Variants in CDYL2 observed in about 807,000 individuals in gnomAD.
CDYL2 encodes chromodomain Y like 2, also known as chromodomain Y-like protein 2.
A neutral mutation model predicts 49.4 loss-of-function variants in CDYL2; 23 were observed. That is an observed-to-expected ratio of 0.47 (90% confidence interval 0.34 to 0.66). The LOEUF (loss-of-function observed/expected upper bound fraction) is 0.66, where lower values mean the gene tolerates loss of function less well. Among genes scored for constraint, CDYL2 ranks in the 30% least tolerant of loss-of-function variants. The pLI is 0.01. For synonymous variants in CDYL2, 360 were observed against 268.8 expected, an observed-to-expected ratio of 1.34 and a Z score of -3.32; for missense variants, 678 against 656.4, an observed-to-expected ratio of 1.03 and a Z score of -0.36.
intron 5 of CDYL2, among the ~76,000 whole-genome samples, chr16:80,609,732 C>T (rs1906510786): frequency 6.6e-6 from 1 of 152,164 alleles, no homozygotes; most frequent in Non-Finnish European, 1.5e-5. Context: ...ACCCCTCAGA[C>T]ACCATACCCT....
intron 2 of CDYL2, among the ~76,000 whole-genome samples, chr16:80,639,116 A>G (rs1907967657): frequency 6.6e-6 from 1 of 152,246 alleles, no homozygotes; most frequent in African/African-American, 2.4e-5. Context: ...ATCATTTTTC[A>G]TTAGGGAACT....
At chr16:80,632,945 A>G in intron 3 of CDYL2, 74 bp downstream of exon 3, 2 of 1,434,378 alleles carry the variant, frequency 1.4e-6, no homozygotes, top group Non-Finnish European at 2.0e-6. Context: ...AAGGAAGGAG[A>G]AAGCCAATAT....
At chr16:80,628,989 C>A (rs945145578) in intron 3 of CDYL2, among the ~76,000 whole-genome samples, 2 of 152,054 alleles carry the variant, frequency 1.3e-5, no homozygotes, top group Non-Finnish European at 2.9e-5. Context: ...AGGCCCGTTC[C>A]AGTCAGAGCA....
At chr16:80,725,521 T>G (rs369621114) in intron 1 of CDYL2, among the ~76,000 whole-genome samples, 1 of 152,202 alleles carries the variant, frequency 6.6e-6, no homozygotes, top group African/African-American at 2.4e-5. Context: ...GAAACATTCA[T>G]TGGATAATTG....
At chr16:80,624,346 G>C (rs140347895) in intron 3 of CDYL2, among the ~76,000 whole-genome samples, 6 of 152,158 alleles carry the variant, frequency 3.9e-5, no homozygotes, top group African/African-American at 9.7e-5. Context: ...CCCATGAGAA[G>C]CTAAAACTCC....
intron 1 of CDYL2, among the ~76,000 whole-genome samples, chr16:80,768,227 C>T (rs372876952): frequency 2.0e-5 from 3 of 152,096 alleles, no homozygotes; most frequent in South Asian, 2.1e-4. Context: ...TGACAATATC[C>T]GAAACTTGGA....
At chr16:80,694,201 G>C (rs1171514149) in intron 1 of CDYL2, among the ~76,000 whole-genome samples, 1 of 152,154 alleles carries the variant, frequency 6.6e-6, no homozygotes, top group Non-Finnish European at 1.5e-5. Flanking sequence ...TTCACAAGAG[G>C]GTTCGTACTC....
chr16:80,696,274 G>A (rs187289486), intron 1 of CDYL2, among the ~76,000 whole-genome samples: 131 of 152,070 alleles, frequency 8.6e-4, no homozygotes, highest in Middle Eastern at 3.4e-3. Context: ...TAATAGCAAT[G>A]AACATCTACA....
intron 1 of CDYL2, among the ~76,000 whole-genome samples, chr16:80,705,536 T>C (rs1275147173): frequency 6.6e-6 from 1 of 152,262 alleles, no homozygotes; most frequent in East Asian, 1.9e-4. Flanking sequence ...GCAGGTCCCC[T>C]GGCAGAATCT....
In CDYL2 at chr16:80,715,333, T is replaced by C. The variant is rs369193533; in HGVS notation, c.25-30204A>G. Among the ~76,000 whole-genome samples, 26 of 152,246 alleles carry C rather than the reference T, an allele frequency of 1.7e-4. No homozygotes were observed. The East Asian group carries it at 4.8e-3, about 28-fold the overall frequency. On this transcript the variant is annotated intron_variant, in intron 1 of 6. Coordinates refer to ENST00000570137, the MANE Select transcript of CDYL2 (RefSeq NM_152342.4). ...ATGATCCCACCATAGTCAACAATGATTGAGGGCTCTGGAAGACCATAACCA... is the reference window on the plus strand; with the variant it reads ...ATGATCCCACCATAGTCAACAATGACTGAGGGCTCTGGAAGACCATAACCA...
intron 2 of CDYL2, among the ~76,000 whole-genome samples, chr16:80,676,494 TTCCTGAACCA>T (rs1468401094): frequency 4.6e-5 from 7 of 152,154 alleles, no homozygotes; most frequent in Non-Finnish European, 1.0e-4. Flanking sequence ...AGTCAGAGCC[TTCCTGAACCA>T]GTTTCCCTGG....
At chr16:80,688,252 T>C (rs994675527) in intron 1 of CDYL2, among the ~76,000 whole-genome samples, 2 of 152,160 alleles carry the variant, frequency 1.3e-5, no homozygotes, top group Non-Finnish European at 2.9e-5. Context: ...TTGTCAACAA[T>C]TTCTACTTAA....
chr16:80,636,448 GA>G (rs1907828210), intron 2 of CDYL2, among the ~76,000 whole-genome samples: 1 of 152,056 alleles, frequency 6.6e-6, no homozygotes, highest in Non-Finnish European at 1.5e-5. Context: ...ACAAATACAT[GA>G]AAAAAAGCTC....
chr16:80,755,853 A>G, intron 1 of CDYL2, among the ~76,000 whole-genome samples: 1 of 152,196 alleles, frequency 6.6e-6, no homozygotes, highest in Admixed American at 6.5e-5. Flanking sequence ...CTATGGGAGC[A>G]GGGGGAGGTA....
chr16:80,774,317 G>A (rs541327825), intron 1 of CDYL2, among the ~76,000 whole-genome samples: 32 of 148,938 alleles, frequency 2.1e-4, no homozygotes, highest in East Asian at 2.0e-4. Context: ...AATGCTATGC[G>A]ATCTTATTTA....
rs985146124 is a variant in CDYL2, at chr16:80,653,025, A to C, written c.617-19789T>G. 6.6e-5 allele frequency among the ~76,000 whole-genome samples: 10 copies of C among 152,360 alleles called. No individual in the cohort carries two copies. In the South Asian group the frequency reaches 8.3e-4, roughly 13 times the overall value. On this transcript the variant is annotated intron_variant, in intron 2 of 6. Coordinates refer to ENST00000570137, the MANE Select transcript of CDYL2 (RefSeq NM_152342.4). ...AAATAAAGTATGAACTTCAGTTCAT[A>C]ATAATACTTGAATACCGGTTCACCA...
chr16:80,644,596 A>G (rs1908250446), intron 2 of CDYL2, among the ~76,000 whole-genome samples: 1 of 152,178 alleles, frequency 6.6e-6, no homozygotes, highest in Non-Finnish European at 1.5e-5. Context: ...GGCACATCTC[A>G]CATGGCAGTG....
rs576367453 is a variant in CDYL2, at chr16:80,633,008, C to G, written c.834+11G>C. 2.5e-6 allele frequency: 4 copies of G among 1,610,280 alleles called. No individual in the cohort carries two copies. Among genetic ancestry groups the G allele is most frequent in the Non-Finnish European group, 2.5e-6 (3 of 1,176,716 alleles). ...CCCAGCTTGCCCTTCCCTCTGGCCGCCACCCCTTACCTCAGGTGTCAGGGC... is the reference window on the plus strand; with the variant it reads ...CCCAGCTTGCCCTTCCCTCTGGCCGGCACCCCTTACCTCAGGTGTCAGGGC... On this transcript the variant is annotated intron_variant, in intron 3 of 6. Coordinates refer to ENST00000570137, the MANE Select transcript of CDYL2 (RefSeq NM_152342.4).
intron 1 of CDYL2, among the ~76,000 whole-genome samples, chr16:80,725,645 T>C (rs1277090677): frequency 6.6e-6 from 1 of 152,190 alleles, no homozygotes; most frequent in Non-Finnish European, 1.5e-5. Flanking sequence ...ATGCAGAAGT[T>C]CCAGCAGTCC....
Sources: allele counts gnomAD v4.1 joint callset (sites outside exome capture counted in the v4.1 genomes callset), GRCh38; gene constraint gnomAD v4.1.1; transcripts MANE v1.5; gene names NCBI Gene and HGNC (gene_info 2026-07-23, HGNC 2026-07-21).